TMPRSS15: variants seen among roughly 807,000 people sequenced by gnomAD.
TMPRSS15 encodes enteropeptidase.
Under a neutral mutation model 125.3 loss-of-function variants are expected in TMPRSS15, and 128 were observed. The ratio of observed to expected loss-of-function variants is 1.02; its 90% CI spans 0.89 to 1.18. The LOEUF (loss-of-function observed/expected upper bound fraction) is 1.18. Among genes scored for constraint, TMPRSS15 ranks in the 50% most tolerant of loss-of-function variants. The pLI is 0.00. For synonymous variants in TMPRSS15, 446 were observed against 423.2 expected (o/e 1.05, Z -0.66); for missense variants, 1,283 against 1,212.7 (o/e 1.06, Z -0.86).
chr21:18,269,874 C>T lies in TMPRSS15; in HGVS notation c.*95G>A. The T allele has an allele frequency of 6.6e-7, 1 of 1,503,860 alleles. No individual in the cohort carries two copies. Among genetic ancestry groups the T allele is most frequent in the Non-Finnish European group, 9.1e-7 (1 of 1,104,246 alleles). 93.2% of individuals were successfully genotyped at this position (1,503,860 alleles called of 1,614,324 possible). A position where few individuals can be genotyped will look rare whatever the true frequency, so the allele number is the denominator to read the frequency against. ...AGGTAAGAATAAAAACCTTTGGTAA[C>T]TTTTTAAAATTTTTGTACGAAACAC... On this transcript the variant is annotated 3_prime_UTR_variant, in exon 25 of 25. Coordinates refer to ENST00000284885, the MANE Select transcript of TMPRSS15 (RefSeq NM_002772.3).
At chr21:18,374,647 T>C (rs542506578) in intron 5 of TMPRSS15, among the ~76,000 whole-genome samples, 64 of 152,142 alleles carry the variant, frequency 4.2e-4, no homozygotes, top group Non-Finnish European at 6.2e-4. Flanking sequence ...TACTTTTCAA[T>C]AGGTGATGGC....
At chr21:18,346,025 C>A (rs1002661324) in intron 10 of TMPRSS15, among the ~76,000 whole-genome samples, 1 of 151,898 alleles carries the variant, frequency 6.6e-6, no homozygotes, top group South Asian at 2.1e-4. Context: ...ATTATGTAGA[C>A]TATAGTACCT....
At chr21:18,370,522 C>G (rs1207252429) in intron 6 of TMPRSS15, among the ~76,000 whole-genome samples, 2 of 152,124 alleles carry the variant, frequency 1.3e-5, no homozygotes, top group African/African-American at 4.8e-5. Flanking sequence ...GCATCATATT[C>G]TCCCTGAAAA....
rs562161099 is a variant in TMPRSS15 at position 18,416,254 on chromosome 21, A to G, written c.11-17925T>C. On this transcript the variant is annotated intron_variant, in intron 1 of 7. Coordinates refer to the TMPRSS15 transcript ENST00000422787. ...CTACAGGTGAAATGCTATATTCATC[A>G]AAATCCTAATGGTGTTTTTTACAGA... Among the ~76,000 whole-genome samples, 5 of 152,130 alleles carry G rather than the reference A, an allele frequency of 3.3e-5. No homozygotes were observed. The East Asian group carries it at 9.6e-4, about 29-fold the overall frequency.
At chr21:18,289,316 C>T (rs181485342) in intron 21 of TMPRSS15, among the ~76,000 whole-genome samples, 60 of 152,200 alleles carry the variant, frequency 3.9e-4, no homozygotes, top group African/African-American at 1.4e-3. Flanking sequence ...CTTTCAAGAC[C>T]AGCCTGACCA....
At chr21:18,407,678 C>T (rs2076156079), upstream of TMPRSS15, among the ~76,000 whole-genome samples, 1 of 151,946 alleles carries the variant, frequency 6.6e-6, no homozygotes, top group Admixed American at 6.6e-5. Context: ...CCAGGCTGGA[C>T]TTGAAGGAGC....
Position 18,326,635 on chromosome 21 carries a change from C to A in TMPRSS15, c.1781-63G>T, listed in dbSNP as rs531505919. ...CCTTTGGATCTAGAAGGAAATGTACCCCACATCTCAGTTCCCTCTGCCAGA... is the reference window on the plus strand; with the variant it reads ...CCTTTGGATCTAGAAGGAAATGTACACCACATCTCAGTTCCCTCTGCCAGA... On this transcript the variant is annotated intron_variant, in intron 15 of 24. Transcript: ENST00000284885. 5 of 1,600,668 alleles carry A rather than the reference C, an allele frequency of 3.1e-6. No individual in the cohort carries two copies. In the African/African-American group the frequency reaches 4.0e-5, roughly 13 times the overall value.
At chr21:18,437,750 G>T (rs918097282) in intron 1 of TMPRSS15, among the ~76,000 whole-genome samples, 7 of 152,186 alleles carry the variant, frequency 4.6e-5, no homozygotes, top group African/African-American at 1.7e-4. Context: ...GGCCATCAGA[G>T]AAATGCGAAT....
chr21:18,280,595 AC>A (rs371391563), intron 22 of TMPRSS15, among the ~76,000 whole-genome samples: 49 of 127,022 alleles, frequency 3.9e-4, no homozygotes, highest in African/African-American at 7.1e-4. Context: ...AAAAAAAAAA[AC>A]AACAAAACAA....
At chr21:18,471,619 C>T (rs935894180) in intron 1 of TMPRSS15, among the ~76,000 whole-genome samples, 1 of 152,058 alleles carries the variant, frequency 6.6e-6, no homozygotes, top group Non-Finnish European at 1.5e-5. Flanking sequence ...CTTACACAAT[C>T]CTATAAATAA....
At chr21:18,454,974 G>C (rs1259202061) in intron 1 of TMPRSS15, among the ~76,000 whole-genome samples, 1 of 152,084 alleles carries the variant, frequency 6.6e-6, no homozygotes, top group Non-Finnish European at 1.5e-5. Flanking sequence ...TGAATTGTGG[G>C]TCCCATAATC....
Position 18,403,619 on chromosome 21 carries a change from C to T in TMPRSS15, c.4G>A (p.Gly2Arg). The T allele has an allele frequency of 6.2e-7, 1 of 1,614,008 alleles. No homozygotes were observed. Among genetic ancestry groups the T allele is most frequent in the Non-Finnish European group, 8.5e-7 (1 of 1,179,960 alleles). Reference sequence around the variant, plus strand: ...CTAGAAGATATGCCTCTTTTCGACCCCATTTTTGGTTTTGAAGGCTTGCTA... The same window carrying T: ...CTAGAAGATATGCCTCTTTTCGACCTCATTTTTGGTTTTGAAGGCTTGCTA... M[G>R]SKRGISSRHH... Residue 2 changes from glycine to arginine, a missense_variant, in exon 1 of 25, where the codon GGG becomes AGG. Transcript: ENST00000284885.
chr21:18,467,092 C>A (rs62213264), intron 1 of TMPRSS15, among the ~76,000 whole-genome samples: 3 of 152,014 alleles, frequency 2.0e-5, no homozygotes, highest in African/African-American at 7.2e-5. Context: ...AAAAAGGATG[C>A]GTTCATGTCC....
In TMPRSS15 at chr21:18,294,313, CGA is replaced by C; in HGVS notation, c.2441_2442del (p.Leu814ArgfsTer4). 1 of 1,614,226 alleles carries C rather than the reference CGA, an allele frequency of 6.2e-7. No homozygotes were observed. Among genetic ancestry groups the C allele is most frequent in the Non-Finnish European group, 8.5e-7 (1 of 1,180,054 alleles). On this transcript the variant is annotated frameshift_variant, in exon 21 of 25. Transcript: ENST00000284885. LOFTEE classifies it high-confidence loss of function. ...GCGGACACCAGCCAGTCACTGCTGA[CGA>C]GAGATGCGCCGCAGAGCAGTCGGCC... Reference protein sequence around the residue: ...YGGRLLCGASLVSSDWLVSAA... With the variant: ...YGGRLLCGASXVSSDWLVSAA...
chr21:18,357,335 G>A (rs1399765396), intron 8 of TMPRSS15, among the ~76,000 whole-genome samples: 1 of 151,832 alleles, frequency 6.6e-6, no homozygotes, highest in East Asian at 1.9e-4. Context: ...CACAATGTCT[G>A]TATTTCTCTG....
chr21:18,399,544 C>T (rs768093420), intron 1 of TMPRSS15, among the ~76,000 whole-genome samples: 2 of 151,936 alleles, frequency 1.3e-5, no homozygotes, highest in African/African-American at 2.4e-5. Flanking sequence ...ACTAAGGAAG[C>T]GTAATAACTA....
At chr21:18,338,454 G>T (rs2075414389) in intron 13 of TMPRSS15, among the ~76,000 whole-genome samples, 1 of 152,108 alleles carries the variant, frequency 6.6e-6, no homozygotes, top group African/African-American at 2.4e-5. Flanking sequence ...TGATTTTAAT[G>T]ATGCTGAATG....
At chr21:18,328,934 A>T (rs1438367635) in intron 15 of TMPRSS15, among the ~76,000 whole-genome samples, 1 of 152,228 alleles carries the variant, frequency 6.6e-6, no homozygotes, top group Non-Finnish European at 1.5e-5. Flanking sequence ...GAACAAATTT[A>T]AAAAGTAAAA....
intron 21 of TMPRSS15, among the ~76,000 whole-genome samples, chr21:18,287,786 G>GT (rs747352878): frequency 1.6e-4 from 24 of 152,182 alleles, no homozygotes; most frequent in Non-Finnish European, 3.1e-4. Flanking sequence ...AAAAGTCTTA[G>GT]TGATACAGTA....
Sources: gnomAD v4.1 joint callset for allele counts (sites outside exome capture counted in the v4.1 genomes callset) on GRCh38, gnomAD v4.1.1 for gene constraint, MANE v1.5 for transcripts, NCBI Gene and HGNC (gene_info 2026-07-23, HGNC 2026-07-21) for gene names.